Variants in EIF3E observed in about 807,000 individuals in gnomAD.
EIF3E encodes the protein eukaryotic translation initiation factor 3 subunit E, also known as eIF-3 p48.
In EIF3E, 25 loss-of-function variants were observed where a neutral mutation model predicts 59.3. The observed-to-expected ratio is 0.42, with a 90% CI of 0.31 to 0.59. The LOEUF (loss-of-function observed/expected upper bound fraction) is 0.59. Among genes scored for constraint, EIF3E ranks in the 20% least tolerant of loss-of-function variants. EIF3E has a pLI of 0.15. For synonymous variants in EIF3E, 176 were observed against 170.2 expected, an observed-to-expected ratio of 1.03 and a Z score of -0.26; for missense variants, 317 against 534.3, an observed-to-expected ratio of 0.59 and a Z score of 4.01.
chr8:108,224,809 ATTC>A (rs1423029856), intron 7 of EIF3E, among the ~76,000 whole-genome samples: 1 of 151,536 alleles, frequency 6.6e-6, no homozygotes, highest in Non-Finnish European at 1.5e-5. Context: ...AAACAAACAA[ATTC>A]TTCTTGTACT....
At position 108,225,012 on chromosome 8, in the gene EIF3E, GT is replaced by G. The variant is rs1815493436; in HGVS notation, c.722+3254del. Reference sequence around the variant, plus strand: ...TTCTAGTCTTCTGTATGACTAAATGGTAAGTATTCATAAAGTGCTTCTGCTG... The same window carrying G: ...TTCTAGTCTTCTGTATGACTAAATGGAAGTATTCATAAAGTGCTTCTGCTG... On this transcript the variant is annotated intron_variant, in intron 7 of 12. Coordinates refer to ENST00000220849, the MANE Select transcript of EIF3E (RefSeq NM_001568.3). Among the ~76,000 whole-genome samples, 2 of 151,512 alleles carry G rather than the reference GT, an allele frequency of 1.3e-5. 1 individual carries two copies. The highest frequency in any genetic ancestry group is 4.9e-5 in the African/African-American group (2 of 40,788).
chr8:108,240,242 C>T (rs16877534), intron 2 of EIF3E, 167 bp from the exon 3 acceptor site: 153,952 of 638,390 alleles, frequency 0.24, 20,757 homozygotes, highest in East Asian at 0.36. Flanking sequence ...GTCCCCGATC[C>T]CTAATTTCTT....
chr8:108,227,116 G>A (rs1815530298), intron 7 of EIF3E: 1 of 152,218 alleles, frequency 6.6e-6, no homozygotes, highest in South Asian at 2.1e-4. Context: ...CTTGAGCTCA[G>A]GAGTTTGAGA....
chr8:108,240,055 T>A lies in EIF3E; in HGVS notation c.226A>T (p.Thr76Ser). The A allele has an allele frequency of 1.2e-6, 2 of 1,613,934 alleles. No homozygotes were observed. Among genetic ancestry groups the A allele is most frequent in the Middle Eastern group, 1.7e-4 (1 of 6,058 alleles). Residue 76 changes from threonine (T) to serine (S), a missense_variant, in exon 3 of 13, where the codon ACA (threonine) becomes TCA (serine). Physicochemically the swap from Thr to Ser is moderately conservative, Grantham distance 58 (BLOSUM62 1). Around this residue, in one of 4 missense-constraint regions of EIF3E, gnomAD observed 242 missense variants for 398.0 expected, o/e 0.61. Transcript: ENST00000220849. ...IPHALREKRT[T>S]VVAQLKQLQA... ...AGCTGTTTCAGTTGTGCAACCACTG[T>A]GGTTCTTTTCTCTCTCAAAGCTAAT...
chr8:108,209,305 T>C (rs2129849623), intron 10 of EIF3E, among the ~76,000 whole-genome samples: 1 of 152,092 alleles, frequency 6.6e-6, no homozygotes, highest in Admixed American at 6.5e-5. Context: ...TAGTATTCAG[T>C]GGAAAAAAGT....
At chr8:108,224,113 T>C (rs944554143) in intron 7 of EIF3E, among the ~76,000 whole-genome samples, 3 of 149,890 alleles carry the variant, frequency 2.0e-5, no homozygotes, top group African/African-American at 7.5e-5. Flanking sequence ...TCCCAGCTAC[T>C]CGGGAGGCTG....
intron 7 of EIF3E, among the ~76,000 whole-genome samples, chr8:108,220,845 C>T (rs1388829043): frequency 6.6e-6 from 1 of 152,170 alleles, no homozygotes; most frequent in African/African-American, 2.4e-5. Flanking sequence ...AAATGACTTT[C>T]CTTACTTGGC....
intron 8 of EIF3E, 40 bp downstream of exon 8, chr8:108,217,294 G>C (rs770070231): frequency 1.4e-6 from 2 of 1,407,312 alleles, no homozygotes; most frequent in Non-Finnish European, 1.9e-6. Flanking sequence ...CTAAAGCTTA[G>C]GTATTTAAAA....
intron 3 of EIF3E, among the ~76,000 whole-genome samples, chr8:108,238,252 G>C (rs1012930912): frequency 4.6e-5 from 7 of 152,194 alleles, no homozygotes; most frequent in Non-Finnish European, 8.8e-5. Flanking sequence ...CGCATGATGT[G>C]TGTATATATC....
rs1241488116 is a variant in EIF3E at position 108,239,589 on chromosome 8, T to C, written c.323+369A>G. ...TGCTTGTCCTATGCACTGTAGGATG[T>C]TTAACAGCATAACTGGCCTCTACTC... On this transcript the variant is annotated intron_variant, in intron 3 of 12. Coordinates refer to ENST00000220849, the MANE Select transcript of EIF3E (RefSeq NM_001568.3). 2.0e-5 allele frequency among the ~76,000 whole-genome samples: 3 copies of C among 152,162 alleles called. No homozygotes were observed. The East Asian group carries it at 5.8e-4, about 29-fold the overall frequency.
At chr8:108,231,721 C>A (rs1352382086) in intron 5 of EIF3E, 2 of 151,998 alleles carry the variant, frequency 1.3e-5, no homozygotes, top group African/African-American at 2.4e-5. Flanking sequence ...TCAAAAATTC[C>A]CACCAAACCA....
intron 9 of EIF3E, among the ~76,000 whole-genome samples, chr8:108,215,690 A>G (rs1298136680): frequency 6.6e-6 from 1 of 152,152 alleles, no homozygotes; most frequent in African/African-American, 2.4e-5. Context: ...GAGAAGTAAG[A>G]TATTTGTCAA....
chr8:108,205,172 A>AG (rs1321773785), intron 10 of EIF3E, among the ~76,000 whole-genome samples: 2 of 152,114 alleles, frequency 1.3e-5, no homozygotes, highest in Non-Finnish European at 2.9e-5. Context: ...GTGATACATC[A>AG]GTTAGGTGCT....
chr8:108,237,488 G>A (rs560123092), intron 3 of EIF3E, among the ~76,000 whole-genome samples: 1 of 152,170 alleles, frequency 6.6e-6, no homozygotes, highest in East Asian at 1.9e-4. Context: ...CTGACCTCAA[G>A]TGATCCACCC....
chr8:108,209,714 G>A (rs540669830), intron 10 of EIF3E, among the ~76,000 whole-genome samples: 26 of 152,238 alleles, frequency 1.7e-4, no homozygotes, highest in Non-Finnish European at 2.1e-4. Context: ...CATATTTGCC[G>A]TTTAGGAAGC....
chr8:108,211,902 G>C (rs920817928), intron 10 of EIF3E, among the ~76,000 whole-genome samples: 2 of 152,148 alleles, frequency 1.3e-5, no homozygotes, highest in Non-Finnish European at 2.9e-5. Context: ...AAGTGACTTA[G>C]GGTTTTCATC....
Position 108,203,044 on chromosome 8 carries a change from A to T in EIF3E, c.1238T>A (p.Phe413Tyr), listed in dbSNP as rs759528132. The T allele has an allele frequency of 6.2e-7, 1 of 1,612,858 alleles. No individual in the cohort carries two copies. Among genetic ancestry groups the T allele is most frequent in the Non-Finnish European group, 8.5e-7 (1 of 1,179,150 alleles). The change falls in exon 12 of 13, where the codon TTT becomes TAT. Residue 413 changes from phenylalanine (F) to tyrosine (Y), a missense_variant. By Grantham distance (22) the Phe-to-Tyr change is conservative (BLOSUM62 3). Around this residue, in one of 4 missense-constraint regions of EIF3E, gnomAD observed 45 missense variants for 97.8 expected, o/e 0.46. Transcript: ENST00000220849. ...ATTCATGGCCAACATCTGGCTTCTA[A>T]AGGAAAGGCTTTTGGTCTTTTCAAT... ...QVIEKTKSLS[F>Y]RSQMLAMNIE...
At chr8:108,226,500 T>A (rs1815519542) in intron 7 of EIF3E, among the ~76,000 whole-genome samples, 2 of 152,196 alleles carry the variant, frequency 1.3e-5, no homozygotes, top group South Asian at 2.1e-4. Context: ...CCGGCCTACA[T>A]TCAATAATTC....
chr8:108,223,643 T>A (rs4386951), intron 7 of EIF3E, among the ~76,000 whole-genome samples: 1 of 152,204 alleles, frequency 6.6e-6, no homozygotes, highest in Non-Finnish European at 1.5e-5. Context: ...TACAAATGGA[T>A]TCTTTTTCCT....
Sources: allele counts gnomAD v4.1 joint callset (sites outside exome capture counted in the v4.1 genomes callset), GRCh38; gene constraint gnomAD v4.1.1; regional missense constraint gnomAD v4.1.1; transcripts MANE v1.5; gene names NCBI Gene and HGNC (gene_info 2026-07-23, HGNC 2026-07-21).